Variants in BTBD8 observed in about 807,000 individuals in gnomAD.
BTBD8 encodes the protein BTB domain containing 8.
Under a neutral mutation model 162.9 loss-of-function variants are expected in BTBD8, and 110 were observed. The ratio of observed to expected loss-of-function variants is 0.68; its 90% CI spans 0.58 to 0.79. BTBD8 has a LOEUF of 0.79. Among genes scored for constraint, BTBD8 ranks in the 30% least tolerant of loss-of-function variants. The probability of loss-of-function intolerance (pLI) is 0.00; values close to 1 mark genes in which losing one functional copy is unlikely to be tolerated. For missense variants in BTBD8, 1,905 were observed against 2,085.4 expected, an observed-to-expected ratio of 0.91 and a Z score of 1.68; for synonymous variants, 667 against 716.1, an observed-to-expected ratio of 0.93 and a Z score of 1.10.
Position 92,184,182 on chromosome 1 carries a change from G to A in BTBD8, c.5231G>A (p.Gly1744Asp). The A allele has an allele frequency of 1.3e-6, 2 of 1,551,532 alleles. No individual in the cohort carries two copies. Among genetic ancestry groups the A allele is most frequent in the South Asian group, 1.2e-5 (1 of 84,062 alleles). The change falls in exon 18 of 18, where the codon GGT becomes GAT. Residue 1744 changes from glycine to aspartate, a missense_variant. Gly to Asp is a moderately conservative substitution (Grantham distance 94). Coordinates refer to ENST00000636805, the MANE Select transcript of BTBD8 (RefSeq NM_001376131.1). ...GCACGAGATAGCTCAAAACCTCAGG[G>A]TATAACACATATTGACACTTTGAAC... ...LLARDSSKPQ[G>D]ITHIDTLNRW...
Position 92,176,966 on chromosome 1 carries a change from A to G in BTBD8, c.1773A>G (p.Ser591=). The G allele has an allele frequency of 6.5e-7, 1 of 1,547,732 alleles. No homozygotes were observed. The part of the protein sequence containing the change: ...SDGLGASGHS[S]STNRNSINKT... ...GATTAGGAGCATCTGGACATTCGTC[A>G]AGTACCAATAGAAATAGTATAAATA... The change falls in exon 14 of 18, where the codon TCA becomes TCG. Residue 591 remains serine (S), a synonymous_variant. Transcript: ENST00000636805.
Position 92,080,735 on chromosome 1 carries a change from G to A in BTBD8, c.149+15G>A. ...GATTTGCTCAGGTAGGAGGAGGCGG[G>A]AACTCTGGCTGCTTCAGTTCCTAAA... On this transcript the variant is annotated intron_variant, in intron 1 of 17. Coordinates refer to ENST00000636805, the MANE Select transcript of BTBD8 (RefSeq NM_001376131.1). 3 of 1,603,118 alleles carry A rather than the reference G, an allele frequency of 1.9e-6. No individual in the cohort carries two copies. Among genetic ancestry groups the A allele is most frequent in the Non-Finnish European group, 2.6e-6 (3 of 1,175,794 alleles).
chr1:92,156,390 G>A (rs1019004800), intron 9 of BTBD8, among the ~76,000 whole-genome samples: 1 of 152,036 alleles, frequency 6.6e-6, no homozygotes, highest in Admixed American at 6.5e-5. Flanking sequence ...TTCTTTTCTT[G>A]TGGTATTCTT....
chr1:92,177,373 G>A lies in BTBD8; in HGVS notation c.2180G>A (p.Ser727Asn). 6.4e-7 allele frequency: 1 copy of A among 1,551,780 alleles called. No homozygotes were observed. ...TGCCTCAGCATCGCAGGACCCTCCA[G>A]CAGATCCACAGATTCAAGTATGGAA... The part of the protein sequence containing the change: ...SPCLSIAGPS[S>N]RSTDSSMEFS... Residue 727 changes from serine (S) to asparagine (N), a missense_variant, in exon 14 of 18, where the codon AGC becomes AAC. Physicochemically the swap from Ser to Asn is conservative, Grantham distance 46. Transcript: ENST00000636805.
chr1:92,126,073 T>A, intron 4 of BTBD8: 1 of 491,312 alleles, frequency 2.0e-6, no homozygotes, highest in Non-Finnish European at 4.1e-6. Context: ...GAGGAATTCC[T>A]TAGTAAAGTG....
In BTBD8 at chr1:92,182,140, C is replaced by T; in HGVS notation, c.4457C>T (p.Ser1486Phe). 1 of 1,551,136 alleles carries T rather than the reference C, an allele frequency of 6.4e-7. No homozygotes were observed. Among genetic ancestry groups the T allele is most frequent in the Non-Finnish European group, 8.7e-7 (1 of 1,146,724 alleles). ...GAACATCATGGAAGGACCTGCTATTCCAGATTCTCACGAGAAAGTGAAGAT... is the reference window on the plus strand; with the variant it reads ...GAACATCATGGAAGGACCTGCTATTTCAGATTCTCACGAGAAAGTGAAGAT... ...SHEHHGRTCY[S>F]RFSRESEDNI... is the part of the protein sequence containing the mutation. Residue 1486 changes from serine to phenylalanine, a missense_variant, in exon 17 of 18, where the codon TCC becomes TTC. By Grantham distance (155) the Ser-to-Phe change is radical (BLOSUM62 -2). Around this residue, in one of 3 missense-constraint regions of BTBD8, gnomAD observed 517 missense variants for 606.6 expected, o/e 0.85. Coordinates refer to ENST00000636805, the MANE Select transcript of BTBD8 (RefSeq NM_001376131.1).
In BTBD8 at chr1:92,184,217, G is replaced by A. The variant is rs1367312142; in HGVS notation, c.5266G>A (p.Glu1756Lys). ...THIDTLNRWS[E>K]LTSPLDSSAS... ...TATTGACACTTTGAACAGATGGAGTGAACTAACATCTCCACTTGATTCCTC... is the reference window on the plus strand; with the variant it reads ...TATTGACACTTTGAACAGATGGAGTAAACTAACATCTCCACTTGATTCCTC... Residue 1756 changes from glutamate (E) to lysine (K), a missense_variant, in exon 18 of 18, where the codon GAA (glutamate) becomes AAA (lysine). Glu to Lys is a moderately conservative substitution (Grantham distance 56). This residue lies in a region of BTBD8 where 517 missense variants were observed against 606.6 expected (regional missense o/e 0.85). Transcript: ENST00000636805. The A allele has an allele frequency of 6.4e-7, 1 of 1,551,418 alleles. No homozygotes were observed. The highest frequency in any genetic ancestry group is 2.0e-5 in the Admixed American group (1 of 50,998).
intron 5 of BTBD8, among the ~76,000 whole-genome samples, chr1:92,131,242 A>G (rs1649507842): frequency 6.6e-6 from 1 of 152,236 alleles, no homozygotes; most frequent in Non-Finnish European, 1.5e-5. Context: ...ATAAAGAGAA[A>G]TTAAACTCTT....
intron 15 of BTBD8, 24 bp from the exon 16 acceptor site, chr1:92,178,288 C>G: frequency 2.6e-6 from 4 of 1,536,920 alleles, no homozygotes; most frequent in Non-Finnish European, 3.5e-6. Flanking sequence ...AAGTGTAATA[C>G]TGAATGCAAA....
intron 4 of BTBD8, chr1:92,125,738 A>G: frequency 2.3e-6 from 1 of 444,378 alleles, no homozygotes; most frequent in Admixed American, 2.6e-5. Flanking sequence ...TGCTGATTTC[A>G]CATCTTGATG....
intron 7 of BTBD8, among the ~76,000 whole-genome samples, chr1:92,143,178 G>C (rs564077): frequency 0.026 from 3,961 of 152,216 alleles, 73 homozygotes; most frequent in Non-Finnish European, 0.029. Flanking sequence ...AGCATTCGTT[G>C]GGAAAATAAA....
chr1:92,136,011 G>A (rs1227709612), intron 5 of BTBD8, among the ~76,000 whole-genome samples: 1 of 152,098 alleles, frequency 6.6e-6, no homozygotes, highest in East Asian at 1.9e-4. Context: ...ATTAAATCTT[G>A]TCATATCTGT....
chr1:92,177,995 T>C lies in BTBD8; in HGVS notation c.2441+97T>C, dbSNP rs933708273. The C allele has an allele frequency of 1.6e-5, 10 of 630,944 alleles. No homozygotes were observed. The African/African-American group carries it at 1.9e-4, about 12-fold the overall frequency. 39.1% of individuals were successfully genotyped at this position (630,944 alleles called of 1,614,324 possible). A position where few individuals can be genotyped will look rare whatever the true frequency, so the allele number is the denominator to read the frequency against. On this transcript the variant is annotated intron_variant, in intron 15 of 17. Transcript: ENST00000636805. Reference sequence around the variant, plus strand: ...CTAAATATTTTTAAAATATCTTTTATTTTTTGTTAATGTATTTACATAATA... The same window carrying C: ...CTAAATATTTTTAAAATATCTTTTACTTTTTGTTAATGTATTTACATAATA...
intron 1 of BTBD8, among the ~76,000 whole-genome samples, chr1:92,085,200 C>T (rs72956807): frequency 2.1e-3 from 319 of 152,328 alleles, no homozygotes; most frequent in African/African-American, 6.8e-3. Context: ...AGTATGTGCT[C>T]AATAAATGTT....
intron 13 of BTBD8, among the ~76,000 whole-genome samples, chr1:92,171,679 T>C (rs949149748): frequency 6.6e-6 from 1 of 152,268 alleles, no homozygotes; most frequent in African/African-American, 2.4e-5. Flanking sequence ...ACCTTTTTCA[T>C]TTCCTTGAAA....
At chr1:92,127,002 T>C (rs905514334) in intron 4 of BTBD8, among the ~76,000 whole-genome samples, 2 of 152,216 alleles carry the variant, frequency 1.3e-5, no homozygotes, top group African/African-American at 4.8e-5. Flanking sequence ...TGCTCATTTT[T>C]CCACTCTTAA....
rs377426808 is a variant in BTBD8, at chr1:92,086,276, C to T, written c.150-2422C>T. Among the ~76,000 whole-genome samples the T allele has an allele frequency of 7.2e-5, 11 of 152,196 alleles. No individual in the cohort carries two copies. In the East Asian group the frequency reaches 7.7e-4, roughly 11 times the overall value. On this transcript the variant is annotated intron_variant, in intron 1 of 17. Transcript: ENST00000636805. The stretch of plus-strand genomic sequence containing the variant: ...TGGTGCGGCAGGGCAGCCTTCCACC[C>T]TTTGGCACAGAGCTTGGTGTTCCAA...
intron 1 of BTBD8, among the ~76,000 whole-genome samples, chr1:92,082,789 T>C (rs1648054059): frequency 2.0e-5 from 3 of 152,136 alleles, no homozygotes; most frequent in Non-Finnish European, 4.4e-5. Flanking sequence ...GTTTGGGATA[T>C]GGTAACAGTC....
At chr1:92,168,800 G>A in intron 11 of BTBD8, 66 bp from the exon 12 acceptor site, 1 of 1,389,568 alleles carries the variant, frequency 7.2e-7, no homozygotes, top group South Asian at 1.8e-5. Context: ...GATTCTGAAA[G>A]GAATAATGAC....
Sources: gnomAD v4.1 joint callset for allele counts (sites outside exome capture counted in the v4.1 genomes callset) on GRCh38, gnomAD v4.1.1 for gene constraint, gnomAD v4.1.1 regional missense constraint, MANE v1.5 for transcripts, NCBI Gene and HGNC (gene_info 2026-07-23, HGNC 2026-07-21) for gene names.